The following TANC1 variants were observed in gnomAD, a reference collection of about 807,000 sequenced individuals.
TANC1 encodes protein TANC1.
A neutral mutation model predicts 149.7 loss-of-function variants in TANC1; 77 were observed. The observed-to-expected ratio is 0.51, with a 90% CI of 0.43 to 0.62. The LOEUF (loss-of-function observed/expected upper bound fraction) is 0.62. Among genes scored for constraint, TANC1 ranks in the 20% least tolerant of loss-of-function variants. The pLI, the probability that TANC1 is intolerant of heterozygous loss-of-function variation, is 0.00. For synonymous variants in TANC1, 854 were observed against 925.0 expected (o/e 0.92, Z 1.39); for missense variants, 1,985 against 2,321.8 (o/e 0.85, Z 2.98).
At chr2:159,228,260 G>C (rs1017909301) in intron 25 of TANC1, 4 of 359,810 alleles carry the variant, frequency 1.1e-5, no homozygotes, top group African/African-American at 2.1e-5. Flanking sequence ...GTTGCTGCTG[G>C]CACTGCCGTC....
chr2:159,025,754 T>A (rs264600), intron 2 of TANC1, among the ~76,000 whole-genome samples: 33,031 of 152,080 alleles, frequency 0.22, 3,919 homozygotes, highest in South Asian at 0.45. Flanking sequence ...TTATTTCTGA[T>A]CATTTAACTA....
At chr2:159,007,046 A>C (rs1320859778) in intron 2 of TANC1, among the ~76,000 whole-genome samples, 1 of 151,658 alleles carries the variant, frequency 6.6e-6, no homozygotes, top group African/African-American at 2.4e-5. Context: ...TATAAGGTTT[A>C]GGTGAATGAC....
chr2:159,076,339 T>G (rs2043675949), intron 3 of TANC1, among the ~76,000 whole-genome samples: 1 of 152,228 alleles, frequency 6.6e-6, no homozygotes, highest in South Asian at 2.1e-4. Context: ...ATGTTTGTGC[T>G]GAGGCTAGAG....
chr2:159,016,021 C>T (rs1026905035), intron 2 of TANC1, among the ~76,000 whole-genome samples: 1 of 152,136 alleles, frequency 6.6e-6, no homozygotes, highest in Non-Finnish European at 1.5e-5. Context: ...TTTTGGGTAC[C>T]TTTTCAGTAG....
At chr2:159,168,366 C>T (rs1184044969) in intron 8 of TANC1, among the ~76,000 whole-genome samples, 1 of 144,170 alleles carries the variant, frequency 6.9e-6, no homozygotes, top group African/African-American at 2.6e-5. Context: ...GTGGCACGAT[C>T]CTGGCTCACT....
chr2:158,986,558 C>T (rs1166299887), intron 1 of TANC1, among the ~76,000 whole-genome samples: 4 of 152,162 alleles, frequency 2.6e-5, no homozygotes, highest in Non-Finnish European at 4.4e-5. Context: ...CCAGGAGGTG[C>T]TTCAGTAGGC....
At chr2:159,112,590 A>T (rs909717539) in intron 4 of TANC1, among the ~76,000 whole-genome samples, 2 of 140,444 alleles carry the variant, frequency 1.4e-5, no homozygotes, top group African/African-American at 2.6e-5. Context: ...TTCCTAAGAG[A>T]CAGGTTCTTG....
In TANC1 at chr2:159,232,146, T is replaced by C. The variant is rs1182578035; in HGVS notation, c.*1134T>C. The C allele has an allele frequency of 1.3e-5, 2 of 152,660 alleles. No homozygotes were observed. Among genetic ancestry groups the C allele is most frequent in the Non-Finnish European group, 2.9e-5 (2 of 68,018 alleles). The allele number at this position is 152,660 out of a possible 1,614,324, so 9.5% of individuals were successfully genotyped here. A position where few individuals can be genotyped will look rare whatever the true frequency, so the allele number is the denominator to read the frequency against. On this transcript the variant is annotated 3_prime_UTR_variant, in exon 27 of 27. Coordinates refer to ENST00000263635, the MANE Select transcript of TANC1 (RefSeq NM_033394.3). ...TACCAGTAACAGCACTTTATCTCATTTATATGAACACCTTTGAGGTGCTAC... is the reference window on the plus strand; with the variant it reads ...TACCAGTAACAGCACTTTATCTCATCTATATGAACACCTTTGAGGTGCTAC...
At chr2:159,059,012 C>A (rs901517471) in intron 2 of TANC1, among the ~76,000 whole-genome samples, 6 of 152,154 alleles carry the variant, frequency 3.9e-5, no homozygotes, top group Non-Finnish European at 1.5e-5. Context: ...TTACTTGTGA[C>A]TGTAAATTTA....
intron 7 of TANC1, among the ~76,000 whole-genome samples, chr2:159,152,647 A>AC (rs2150334317): frequency 6.6e-6 from 1 of 151,954 alleles, no homozygotes; most frequent in African/African-American, 2.4e-5. Context: ...GTGCCACCAC[A>AC]CTTAGCTCAT....
At chr2:158,993,769 C>T (rs1418560219) in intron 1 of TANC1, among the ~76,000 whole-genome samples, 2 of 152,036 alleles carry the variant, frequency 1.3e-5, no homozygotes, top group African/African-American at 2.4e-5. Flanking sequence ...CTTAAATTTT[C>T]TTGTTAAATT....
chr2:159,185,987 C>G (rs1559418296), intron 15 of TANC1, 88 bp downstream of exon 15: 6 of 965,912 alleles, frequency 6.2e-6, no homozygotes, highest in African/African-American at 1.6e-5. Flanking sequence ...TGTCAGCCAT[C>G]CAAGAAACGC....
intron 22 of TANC1, 145 bp from the exon 23 acceptor site, chr2:159,224,087 G>A (rs954872010): frequency 1.2e-4 from 109 of 937,732 alleles, no homozygotes; most frequent in Non-Finnish European, 1.4e-4. Flanking sequence ...TCTCTGTTTC[G>A]TGTCCACTTT....
At chr2:159,016,976 G>A (rs1478086489) in intron 2 of TANC1, among the ~76,000 whole-genome samples, 1 of 152,142 alleles carries the variant, frequency 6.6e-6, no homozygotes, top group Non-Finnish European at 1.5e-5. Context: ...GATGGTGACA[G>A]TTTTGCTTGA....
intron 2 of TANC1, among the ~76,000 whole-genome samples, chr2:159,010,325 A>G (rs554126579): frequency 1.3e-5 from 2 of 152,348 alleles, no homozygotes; most frequent in South Asian, 2.1e-4. Context: ...TGAGAAAATG[A>G]TAGTTGGCAA....
chr2:158,980,971 T>A (rs1342591474), intron 1 of TANC1, among the ~76,000 whole-genome samples: 1 of 152,138 alleles, frequency 6.6e-6, no homozygotes, highest in African/African-American at 2.4e-5. Flanking sequence ...TTGTCCCATA[T>A]TCTGAATTTG....
At chr2:159,072,044 C>T (rs1362378735) in intron 3 of TANC1, among the ~76,000 whole-genome samples, 2 of 152,082 alleles carry the variant, frequency 1.3e-5, no homozygotes, top group African/African-American at 4.8e-5. Flanking sequence ...GCAGTGGGTG[C>T]CATCTTGGAT....
At position 158,969,474 on chromosome 2, in the gene TANC1, A is replaced by G. The variant is rs1052491252; in HGVS notation, c.-126+692A>G. ...TCTTTAGGGGTGGGGCGCTGAGAAGAGCGGTAATTGTCAAGATTGTGAGCC... is the reference window on the plus strand; with the variant it reads ...TCTTTAGGGGTGGGGCGCTGAGAAGGGCGGTAATTGTCAAGATTGTGAGCC... On this transcript the variant is annotated intron_variant, in intron 1 of 26. Transcript: ENST00000263635. 2.0e-5 allele frequency among the ~76,000 whole-genome samples: 3 copies of G among 152,210 alleles called. No individual in the cohort carries two copies. In the East Asian group the frequency reaches 5.8e-4, roughly 29 times the overall value.
chr2:159,147,456 G>A (rs1016354198), intron 5 of TANC1: 4 of 152,258 alleles, frequency 2.6e-5, no homozygotes, highest in Non-Finnish European at 5.9e-5. Flanking sequence ...TGTTCTGAGG[G>A]CCTCACCCCT....
Sources: allele counts gnomAD v4.1 joint callset (sites outside exome capture counted in the v4.1 genomes callset), GRCh38; gene constraint gnomAD v4.1.1; transcripts MANE v1.5; gene names NCBI Gene and HGNC (gene_info 2026-07-23, HGNC 2026-07-21).